Variants in CHST11 observed in about 807,000 individuals in gnomAD.
CHST11 encodes the protein carbohydrate sulfotransferase 11, also known as C4S-1.
A neutral mutation model predicts 30.4 loss-of-function variants in CHST11; 9 were observed. The ratio of observed to expected loss-of-function variants is 0.30; its 90% CI spans 0.18 to 0.52. The LOEUF is 0.52. Among genes scored for constraint, CHST11 ranks in the 20% least tolerant of loss-of-function variants. The pLI, the probability that CHST11 is intolerant of heterozygous loss-of-function variation, is 0.97. For synonymous variants in CHST11, 152 were observed against 187.8 expected, an observed-to-expected ratio of 0.81 and a Z score of 1.56; for missense variants, 348 against 460.6, an observed-to-expected ratio of 0.76 and a Z score of 2.24.
At chr12:104,607,324 G>C (rs753820943) in intron 2 of CHST11, among the ~76,000 whole-genome samples, 7 of 151,064 alleles carry the variant, frequency 4.6e-5, no homozygotes, top group African/African-American at 1.7e-4. Flanking sequence ...GGGCAGTTGC[G>C]GGGGACTCTC....
chr12:104,691,196 A>C (rs938467940), intron 2 of CHST11, among the ~76,000 whole-genome samples: 1 of 152,190 alleles, frequency 6.6e-6, no homozygotes, highest in African/African-American at 2.4e-5. Context: ...CCAATAAGGC[A>C]CGGGAAGGGT....
chr12:104,541,713 A>G (rs979012874), intron 1 of CHST11, among the ~76,000 whole-genome samples: 1 of 152,258 alleles, frequency 6.6e-6, no homozygotes, highest in Non-Finnish European at 1.5e-5. Flanking sequence ...GAAAAAGGGC[A>G]GTGCAAATAA....
At chr12:104,720,121 G>A (rs946332541) in intron 2 of CHST11, among the ~76,000 whole-genome samples, 16 of 152,190 alleles carry the variant, frequency 1.1e-4, no homozygotes, top group South Asian at 4.1e-4. Context: ...CATTGCTGGC[G>A]GCATCCGGAG....
rs998857170 is a variant in CHST11, at chr12:104,541,099, T to G, written c.119-60807T>G. On this transcript the variant is annotated intron_variant, in intron 1 of 2. Transcript: ENST00000303694. ...CAGAACATGACTCGTATGTTTGTATTCTGCAGAATCTCTCCCTCTCTCTCT... is the reference window on the plus strand; with the variant it reads ...CAGAACATGACTCGTATGTTTGTATGCTGCAGAATCTCTCCCTCTCTCTCT... Among the ~76,000 whole-genome samples the G allele has an allele frequency of 4.1e-5, 6 of 147,088 alleles. No homozygotes were observed. The East Asian group carries it at 1.1e-3, about 26-fold the overall frequency.
intron 1 of CHST11, among the ~76,000 whole-genome samples, chr12:104,517,105 G>A (rs1440227200): frequency 6.6e-6 from 1 of 152,178 alleles, no homozygotes; most frequent in Non-Finnish European, 1.5e-5. Context: ...GAGAGGTTTA[G>A]TAACATTCCC....
chr12:104,674,802 C>T (rs2039725653), intron 2 of CHST11, among the ~76,000 whole-genome samples: 1 of 151,912 alleles, frequency 6.6e-6, no homozygotes, highest in African/African-American at 2.4e-5. Context: ...ATGCCCTTGT[C>T]TTCTTGCCTG....
rs558874344 is a variant in CHST11, at chr12:104,460,392, G to C, written c.118+2863G>C. On this transcript the variant is annotated intron_variant, in intron 1 of 2. Transcript: ENST00000303694. ...AAAGAAAAAAAGGAAGGCAGGGCGC[G>C]GTGGCTCATACCTGGAATCCCAGCA... is the stretch of plus-strand genomic sequence containing the variant. Among the ~76,000 whole-genome samples the C allele has an allele frequency of 1.1e-4, 16 of 152,284 alleles. No homozygotes were observed. In the South Asian group the frequency reaches 3.1e-3, roughly 30 times the overall value.
At chr12:104,559,014 G>A (rs1230732699) in intron 1 of CHST11, among the ~76,000 whole-genome samples, 1 of 151,906 alleles carries the variant, frequency 6.6e-6, no homozygotes, top group Non-Finnish European at 1.5e-5. Context: ...CTTCTGGACG[G>A]TAGGCTTCTG....
intron 2 of CHST11, among the ~76,000 whole-genome samples, chr12:104,648,764 A>G (rs924586542): frequency 6.6e-6 from 1 of 151,224 alleles, no homozygotes; most frequent in African/African-American, 2.4e-5. Flanking sequence ...CAGTGAGCCG[A>G]GATCACACCA....
chr12:104,754,165 C>T (rs1044065707), intron 2 of CHST11, among the ~76,000 whole-genome samples: 5 of 152,070 alleles, frequency 3.3e-5, no homozygotes, highest in Non-Finnish European at 7.4e-5. Context: ...AAGTGGAACC[C>T]GAAAATATAT....
chr12:104,587,140 G>A (rs2038813467), intron 1 of CHST11, among the ~76,000 whole-genome samples: 1 of 152,138 alleles, frequency 6.6e-6, no homozygotes, highest in African/African-American at 2.4e-5. Context: ...TCATGTCACT[G>A]TGATGACAGT....
intron 1 of CHST11, among the ~76,000 whole-genome samples, chr12:104,587,811 A>G (rs1450773767): frequency 1.4e-5 from 2 of 143,182 alleles, no homozygotes; most frequent in Admixed American, 7.3e-5. Context: ...AGACTCTTCA[A>G]TTCGTTAGAG....
At chr12:104,575,965 C>G (rs565141361) in intron 1 of CHST11, among the ~76,000 whole-genome samples, 78 of 151,678 alleles carry the variant, frequency 5.1e-4, no homozygotes, top group Middle Eastern at 6.8e-3. Flanking sequence ...CGAATGCCAC[C>G]CACCCTGTGA....
chr12:104,594,811 T>G (rs2038892202), intron 1 of CHST11, among the ~76,000 whole-genome samples: 1 of 152,072 alleles, frequency 6.6e-6, no homozygotes, highest in Admixed American at 6.6e-5. Flanking sequence ...GCAAAAATTA[T>G]CTGGGCATGG....
intron 2 of CHST11, among the ~76,000 whole-genome samples, chr12:104,608,165 T>A (rs757288524): frequency 2.0e-5 from 3 of 152,174 alleles, no homozygotes; most frequent in African/African-American, 7.2e-5. Context: ...AAGCCCTGAG[T>A]TGAAGGGTCT....
rs1273164443 is a variant in CHST11, at chr12:104,757,359, C to T, written c.615C>T (p.Asn205=). 1 of 1,614,062 alleles carries T rather than the reference C, an allele frequency of 6.2e-7. No individual in the cohort carries two copies. Among genetic ancestry groups the T allele is most frequent in the East Asian group, 2.2e-5 (1 of 44,892 alleles). Residue 205 remains asparagine (N), a synonymous_variant, in exon 3 of 3, where the codon AAC becomes AAT. Transcript: ENST00000303694. This position sits in a 1 kb window ranked among gnomAD's most constrained non-coding sequence, Gnocchi z 6.5. ...AYRNKFTQKY[N]ISFHKRYGTK... is the part of the protein sequence containing the mutation. ...GCAACAAGTTCACCCAGAAGTACAA[C>T]ATCTCCTTCCACAAGCGGTACGGCA... is the stretch of plus-strand genomic sequence containing the variant.
At chr12:104,700,124 A>G (rs965695317) in intron 2 of CHST11, among the ~76,000 whole-genome samples, 3 of 152,242 alleles carry the variant, frequency 2.0e-5, no homozygotes, top group Non-Finnish European at 4.4e-5. Flanking sequence ...GCTGTATTCA[A>G]ATACTACCCA....
intron 2 of CHST11, among the ~76,000 whole-genome samples, chr12:104,618,704 C>A (rs2039132407): frequency 6.6e-6 from 1 of 152,164 alleles, no homozygotes; most frequent in Admixed American, 6.5e-5. Context: ...CAGCCTTTCA[C>A]TGCTTTTCAA....
At chr12:104,483,926 T>C (rs2037653088) in intron 1 of CHST11, among the ~76,000 whole-genome samples, 1 of 152,110 alleles carries the variant, frequency 6.6e-6, no homozygotes, top group African/African-American at 2.4e-5. Flanking sequence ...CTTCTGCAAG[T>C]AGAGGGTCTG....
Sources: gnomAD v4.1 joint callset for allele counts (sites outside exome capture counted in the v4.1 genomes callset) on GRCh38, gnomAD v4.1.1 for gene constraint, Gnocchi (gnomAD v3.1) non-coding constraint, MANE v1.5 for transcripts, NCBI Gene and HGNC (gene_info 2026-07-23, HGNC 2026-07-21) for gene names.